GPC6: variants seen among roughly 807,000 people sequenced by gnomAD.
The protein encoded by GPC6 is glypican-6.
GPC6 carries 14 observed loss-of-function variants against 55.2 expected under a neutral mutation model. The observed-to-expected ratio is 0.25, with a 90% CI of 0.17 to 0.40. The LOEUF (loss-of-function observed/expected upper bound fraction) is 0.40. GPC6 is among the 10% of genes least tolerant of loss of function. GPC6 has a pLI of 1.00. For synonymous variants in GPC6, 278 were observed against 259.6 expected (o/e 1.07, Z -0.68); for missense variants, 641 against 708.5 (o/e 0.90, Z 1.08).
At chr13:93,596,261 C>G (rs1232373553) in intron 2 of GPC6, among the ~76,000 whole-genome samples, 1 of 151,844 alleles carries the variant, frequency 6.6e-6, no homozygotes, top group Admixed American at 6.6e-5. Context: ...ATAGAGTGTT[C>G]GTGTGCTGGA....
At chr13:94,154,380 A>G (rs998373076) in intron 4 of GPC6, 2 of 152,152 alleles carry the variant, frequency 1.3e-5, no homozygotes, top group South Asian at 2.1e-4. Context: ...TCACATTTAC[A>G]TGGCAAAAGG....
intron 4 of GPC6, among the ~76,000 whole-genome samples, chr13:94,089,918 G>A (rs1268791085): frequency 6.6e-6 from 1 of 152,050 alleles, no homozygotes; most frequent in East Asian, 1.9e-4. Context: ...CCACACGTTA[G>A]GTATACCTCA....
chr13:94,063,488 A>C (rs1010082935), intron 4 of GPC6, among the ~76,000 whole-genome samples: 10 of 152,126 alleles, frequency 6.6e-5, no homozygotes, highest in Non-Finnish European at 1.0e-4. Context: ...CTGATTATGA[A>C]ACATTATTCT....
At chr13:93,732,215 C>A (rs998900964) in intron 2 of GPC6, among the ~76,000 whole-genome samples, 1 of 151,998 alleles carries the variant, frequency 6.6e-6, no homozygotes, top group Non-Finnish European at 1.5e-5. Context: ...GGTAGGAGGC[C>A]GGCTCCTTGC....
intron 2 of GPC6, among the ~76,000 whole-genome samples, chr13:93,762,312 G>A (rs1216498134): frequency 6.6e-6 from 1 of 152,120 alleles, no homozygotes; most frequent in Non-Finnish European, 1.5e-5. Context: ...AAATCCTACA[G>A]CCTCCAAAAC....
intron 2 of GPC6, among the ~76,000 whole-genome samples, chr13:93,556,390 G>GTA (rs1391820248): frequency 0.013 from 999 of 74,926 alleles, 4 homozygotes; most frequent in African/African-American, 0.034. Flanking sequence ...GTGTGTGTGT[G>GTA]TGTGTATGTA....
chr13:93,646,842 C>T (rs1328364644), intron 2 of GPC6, among the ~76,000 whole-genome samples: 7 of 148,082 alleles, frequency 4.7e-5, no homozygotes, highest in African/African-American at 1.7e-4. Context: ...TTTTTGGTTC[C>T]GTGTTATCAT....
chr13:93,328,571 A>G (rs12428655), intron 1 of GPC6, among the ~76,000 whole-genome samples: 10,495 of 151,998 alleles, frequency 0.069, 504 homozygotes, highest in East Asian at 0.12. Context: ...GCTACTCAGG[A>G]GGCTGAGGTG....
chr13:94,001,265 G>A (rs1467167981), intron 3 of GPC6, among the ~76,000 whole-genome samples: 10 of 151,794 alleles, frequency 6.6e-5, no homozygotes, highest in African/African-American at 1.2e-4. Context: ...TTTATCAGAC[G>A]GCATTTCACA....
At chr13:93,539,634 G>A (rs367648541) in intron 1 of GPC6, among the ~76,000 whole-genome samples, 62 of 151,656 alleles carry the variant, frequency 4.1e-4, no homozygotes, top group African/African-American at 1.5e-3. Flanking sequence ...CTAGCACAAG[G>A]ATAAATCTGT....
At chr13:94,243,895 G>A (rs1028433896) in intron 4 of GPC6, among the ~76,000 whole-genome samples, 3 of 152,084 alleles carry the variant, frequency 2.0e-5, no homozygotes, top group Admixed American at 2.0e-4. Context: ...GGCTGGACAG[G>A]ATGCTTTCTC....
At chr13:94,192,504 C>G (rs1889429847) in intron 4 of GPC6, among the ~76,000 whole-genome samples, 1 of 152,152 alleles carries the variant, frequency 6.6e-6, no homozygotes, top group Non-Finnish European at 1.5e-5. Flanking sequence ...CAATCACTTC[C>G]CACATATGCC....
chr13:93,227,794 G>T lies in GPC6; in HGVS notation c.160+178G>T, dbSNP rs1875853190. Among the ~76,000 whole-genome samples the T allele has an allele frequency of 6.6e-6, 1 of 152,164 alleles. No homozygotes were observed. The highest frequency in any genetic ancestry group is 2.0e-4 in the East Asian group (1 of 5,128). On this transcript the variant is annotated intron_variant, in intron 1 of 8. Coordinates refer to ENST00000377047, the MANE Select transcript of GPC6 (RefSeq NM_005708.5). The surrounding 1 kb of genome is among the most constrained non-coding windows in gnomAD (Gnocchi z 4.3). ...GATGCTCCTGCGGCTTCTTCGGCGG[G>T]GGAAGGTGTGCGTCTCCGCCGCCTC...
intron 1 of GPC6, among the ~76,000 whole-genome samples, chr13:93,441,067 G>A (rs1566359017): frequency 6.6e-6 from 1 of 152,110 alleles, no homozygotes; most frequent in African/African-American, 2.4e-5. Flanking sequence ...GTGTATATGT[G>A]CCACATTTTC....
At chr13:93,783,237 T>C (rs1885711976) in intron 2 of GPC6, among the ~76,000 whole-genome samples, 1 of 152,234 alleles carries the variant, frequency 6.6e-6, no homozygotes, top group South Asian at 2.1e-4. Flanking sequence ...GCATTTGGGC[T>C]GATTCCATGT....
intron 1 of GPC6, among the ~76,000 whole-genome samples, chr13:93,449,453 T>A (rs1478987366): frequency 6.6e-6 from 1 of 152,162 alleles, no homozygotes; most frequent in Non-Finnish European, 1.5e-5. Context: ...TGGGTTAGTC[T>A]CCTTAGCAGA....
At chr13:93,279,772 C>T (rs557109614) in intron 1 of GPC6, among the ~76,000 whole-genome samples, 99 of 152,270 alleles carry the variant, frequency 6.5e-4, no homozygotes, top group African/African-American at 2.3e-3. Flanking sequence ...GATGTGTTAA[C>T]TAAAGTACTT....
intron 4 of GPC6, among the ~76,000 whole-genome samples, chr13:94,035,463 T>TA (rs1262644679): frequency 6.6e-6 from 1 of 152,064 alleles, no homozygotes; most frequent in Non-Finnish European, 1.5e-5. Flanking sequence ...AACATAGAGC[T>TA]AAGTAACTGG....
At chr13:93,337,503 T>TAAA (rs145498277) in intron 1 of GPC6, among the ~76,000 whole-genome samples, 3 of 146,962 alleles carry the variant, frequency 2.0e-5, no homozygotes, top group African/African-American at 7.5e-5. Context: ...CACTTAAAGG[T>TAAA]AAAAAAAAAA....
Sources: gnomAD v4.1 joint callset for allele counts (sites outside exome capture counted in the v4.1 genomes callset) on GRCh38, gnomAD v4.1.1 for gene constraint, Gnocchi (gnomAD v3.1) non-coding constraint, MANE v1.5 for transcripts, NCBI Gene and HGNC (gene_info 2026-07-23, HGNC 2026-07-21) for gene names.